Variants in NRG1 observed in about 807,000 individuals in gnomAD.
NRG1 encodes pro-neuregulin-1, membrane-bound isoform.
Under a neutral mutation model 63.8 loss-of-function variants are expected in NRG1, and 18 were observed. The ratio of observed to expected loss-of-function variants is 0.28; its 90% confidence interval spans 0.19 to 0.42. The LOEUF is 0.42. Among genes scored for constraint, NRG1 ranks in the 10% least tolerant of loss-of-function variants. NRG1 has a pLI of 1.00. For synonymous variants in NRG1, 302 were observed against 301.3 expected (o/e 1.00, Z -0.02); for missense variants, 762 against 814.7 (o/e 0.94, Z 0.79).
intron 1 of NRG1, among the ~76,000 whole-genome samples, chr8:32,062,248 G>C (rs1045550423): frequency 6.6e-6 from 1 of 152,088 alleles, no homozygotes; most frequent in African/African-American, 2.4e-5. Flanking sequence ...TCAGAGCAGA[G>C]CCTGCTTCCT....
chr8:32,595,974 C>A (rs1843279782), exon 2 of NRG1: 6 of 1,613,106 alleles, frequency 3.7e-6, no homozygotes, highest in East Asian at 2.2e-5. Flanking sequence ...AAAAAACAAA[C>A]CACAAAATAT....
chr8:32,156,382 G>A lies in NRG1; in HGVS notation c.38-439446G>A, dbSNP rs530107711. On this transcript the variant is annotated intron_variant, in intron 1 of 10. Transcript: ENST00000519301. ...TGCTGTTATTATACTTATCAGAGTC[G>A]TAATTTTACATTTGCTCATGTCATA... Among the ~76,000 whole-genome samples the A allele has an allele frequency of 1.1e-4, 16 of 152,236 alleles. No individual in the cohort carries two copies. In the East Asian group the frequency reaches 2.7e-3, roughly 26 times the overall value.
At chr8:32,633,644 T>C (rs1850750404) in intron 5 of NRG1, among the ~76,000 whole-genome samples, 1 of 152,228 alleles carries the variant, frequency 6.6e-6, no homozygotes, top group Non-Finnish European at 1.5e-5. Flanking sequence ...GGACTCTTAC[T>C]TCTGAAGTCT....
At chr8:31,801,770 T>C (rs1329988835) in intron 1 of NRG1, among the ~76,000 whole-genome samples, 1 of 152,252 alleles carries the variant, frequency 6.6e-6, no homozygotes, top group African/African-American at 2.4e-5. Context: ...TATATTTCAG[T>C]ATTTTTCATA....
intron 1 of NRG1, among the ~76,000 whole-genome samples, chr8:31,791,128 G>A (rs1481373993): frequency 6.6e-6 from 1 of 151,384 alleles, no homozygotes; most frequent in Non-Finnish European, 1.5e-5. Flanking sequence ...AGAATCCATT[G>A]AGCCTGGGAG....
intron 1 of NRG1, among the ~76,000 whole-genome samples, chr8:32,456,457 A>T (rs1181150191): frequency 6.6e-6 from 1 of 152,184 alleles, no homozygotes; most frequent in East Asian, 1.9e-4. Context: ...CACCTCTGCC[A>T]CCCATGAGAG....
At chr8:32,401,932 CAG>C (rs1813263062) in intron 1 of NRG1, among the ~76,000 whole-genome samples, 1 of 152,078 alleles carries the variant, frequency 6.6e-6, no homozygotes, top group Admixed American at 6.6e-5. Flanking sequence ...TGTTTTGAGA[CAG>C]AGTCTTGTTC....
intron 6 of NRG1, among the ~76,000 whole-genome samples, chr8:32,738,480 T>G (rs1322339526): frequency 2.6e-5 from 4 of 152,154 alleles, no homozygotes; most frequent in Non-Finnish European, 4.4e-5. Flanking sequence ...AACAAGTACT[T>G]GTTATTCAGA....
At chr8:32,110,673 G>A (rs1378495366) in intron 1 of NRG1, among the ~76,000 whole-genome samples, 2 of 152,106 alleles carry the variant, frequency 1.3e-5, no homozygotes, top group Non-Finnish European at 2.9e-5. Flanking sequence ...CTGATCTAAG[G>A]TTGAATGATG....
intron 1 of NRG1, among the ~76,000 whole-genome samples, chr8:32,572,602 A>G (rs894884478): frequency 2.3e-4 from 35 of 152,328 alleles, no homozygotes; most frequent in African/African-American, 7.2e-4. Flanking sequence ...TATAAAGACC[A>G]TAATGCCATA....
intron 1 of NRG1, among the ~76,000 whole-genome samples, chr8:31,828,281 G>A (rs772741496): frequency 1.3e-5 from 2 of 152,190 alleles, no homozygotes; most frequent in African/African-American, 2.4e-5. Flanking sequence ...ATGAGTGACT[G>A]TAGTAGTTTG....
At chr8:31,694,000 G>C (rs1455552797) in intron 1 of NRG1, among the ~76,000 whole-genome samples, 1 of 151,986 alleles carries the variant, frequency 6.6e-6, no homozygotes, top group Non-Finnish European at 1.5e-5. Context: ...ACCATGCCTT[G>C]CTAATTTTTT....
intron 1 of NRG1, among the ~76,000 whole-genome samples, chr8:32,492,218 G>T (rs1296622959): frequency 2.6e-5 from 4 of 152,120 alleles, no homozygotes; most frequent in Non-Finnish European, 5.9e-5. Flanking sequence ...CATGCTCAAG[G>T]TGGCCAATAA....
At chr8:31,859,512 T>C (rs542620484) in intron 1 of NRG1, among the ~76,000 whole-genome samples, 135 of 152,316 alleles carry the variant, frequency 8.9e-4, no homozygotes, top group African/African-American at 3.0e-3. Context: ...TATATATATT[T>C]GGCCGCTGAA....
intron 11 of NRG1, among the ~76,000 whole-genome samples, chr8:32,762,497 C>T (rs1044284911): frequency 6.6e-6 from 1 of 152,114 alleles, no homozygotes; most frequent in African/African-American, 2.4e-5. Flanking sequence ...TAAGTACCCC[C>T]AAAGCCAAAA....
chr8:32,045,799 AAG>A (rs1785046388), intron 1 of NRG1, among the ~76,000 whole-genome samples: 1 of 152,028 alleles, frequency 6.6e-6, no homozygotes, highest in African/African-American at 2.4e-5. Context: ...ATTATGCAAA[AAG>A]AAGCTCAAAA....
chr8:31,949,778 G>A (rs1004231582), intron 1 of NRG1, among the ~76,000 whole-genome samples: 5 of 152,118 alleles, frequency 3.3e-5, no homozygotes, highest in South Asian at 2.1e-4. Context: ...CTATAGACTC[G>A]AAGTGCATAA....
intron 1 of NRG1, among the ~76,000 whole-genome samples, chr8:31,770,663 T>A (rs986689242): frequency 1.3e-4 from 20 of 151,756 alleles, no homozygotes; most frequent in African/African-American, 4.8e-4. Flanking sequence ...ATATACCTAA[T>A]GTAAATGACG....
At chr8:32,158,454 T>G (rs1014510805) in intron 1 of NRG1, among the ~76,000 whole-genome samples, 14 of 102,032 alleles carry the variant, frequency 1.4e-4, no homozygotes, top group African/African-American at 7.5e-4. Flanking sequence ...ACATGATATA[T>G]ATATATATAT....
Sources: gnomAD v4.1 joint callset for allele counts (sites outside exome capture counted in the v4.1 genomes callset) on GRCh38, gnomAD v4.1.1 for gene constraint, MANE v1.5 for transcripts, NCBI Gene and HGNC (gene_info 2026-07-23, HGNC 2026-07-21) for gene names.